Variants in UACA observed in about 807,000 individuals in gnomAD.
The protein encoded by UACA is nuclear membrane binding protein.
A neutral mutation model predicts 160.5 loss-of-function variants in UACA; 112 were observed. The ratio of observed to expected loss-of-function variants is 0.70; its 90% CI spans 0.60 to 0.82. The LOEUF is 0.82. UACA is among the 40% of genes least tolerant of loss of function. The pLI, the probability that UACA is intolerant of heterozygous loss-of-function variation, is 0.00. For missense variants in UACA, 1,574 were observed against 1,614.6 expected (o/e 0.97, Z 0.43); for synonymous variants, 557 against 568.4 (o/e 0.98, Z 0.29).
rs1417345006 is a variant in UACA, at chr15:70,703,165, GT to G, written c.79-3506del. ...CCAAGGCCGGTGCAAATTCAGGGTG[GT>G]TTTTTTGTGGTGGCTGTTGTTGTTG... On this transcript the variant is annotated intron_variant, in intron 1 of 18. Coordinates refer to ENST00000322954, the MANE Select transcript of UACA (RefSeq NM_018003.4). The G allele has an allele frequency of 2.8e-5, 36 of 1,289,010 alleles. 1 individual carries two copies. In the East Asian group the frequency reaches 1.9e-3, roughly 70 times the overall value. The allele number at this position is 1,289,010 out of a possible 1,614,324, so 79.8% of individuals were successfully genotyped here. A position where few individuals can be genotyped will look rare whatever the true frequency, so the allele number is the denominator to read the frequency against.
At chr15:70,688,595 T>G (rs1306953365) in intron 5 of UACA, among the ~76,000 whole-genome samples, 1 of 152,018 alleles carries the variant, frequency 6.6e-6, no homozygotes, top group Non-Finnish European at 1.5e-5. Flanking sequence ...ATCATCAGCT[T>G]TAAGAAAAAG....
At chr15:70,741,892 T>C (rs1238184410) in intron 1 of UACA, among the ~76,000 whole-genome samples, 1 of 152,156 alleles carries the variant, frequency 6.6e-6, no homozygotes, top group East Asian at 1.9e-4. Context: ...AACAAAAACC[T>C]ACCTGATAGC....
At chr15:70,753,390 G>A (rs986710301) in intron 1 of UACA, among the ~76,000 whole-genome samples, 1 of 152,160 alleles carries the variant, frequency 6.6e-6, no homozygotes, top group Non-Finnish European at 1.5e-5. Flanking sequence ...ACACAGATTG[G>A]TTTTGGAATT....
At chr15:70,687,051 C>CT (rs1372031082) in intron 7 of UACA, among the ~76,000 whole-genome samples, 23 of 152,272 alleles carry the variant, frequency 1.5e-4, no homozygotes, top group Non-Finnish European at 2.5e-4. Flanking sequence ...GGAGATGGCA[C>CT]TGTACCCTGG....
intron 3 of UACA, among the ~76,000 whole-genome samples, chr15:70,694,141 T>C (rs1898041211): frequency 6.6e-6 from 1 of 152,066 alleles, no homozygotes; most frequent in Non-Finnish European, 1.5e-5. Context: ...CTGTATTTAA[T>C]AGAAAAACAA....
At chr15:70,741,256 A>G (rs1899526114) in intron 1 of UACA, among the ~76,000 whole-genome samples, 1 of 152,184 alleles carries the variant, frequency 6.6e-6, no homozygotes, top group East Asian at 1.9e-4. Flanking sequence ...TGATTTCTGC[A>G]CTCCCAAGGT....
intron 8 of UACA, 150 bp from the exon 9 acceptor site, chr15:70,682,945 C>G (rs1187187260): frequency 2.2e-5 from 10 of 458,762 alleles, no homozygotes; most frequent in Non-Finnish European, 3.8e-5. Flanking sequence ...ATTTCTAAAA[C>G]GTATGCTTGA....
intron 7 of UACA, among the ~76,000 whole-genome samples, chr15:70,684,996 T>A (rs1353365945): frequency 6.6e-6 from 1 of 152,050 alleles, no homozygotes; most frequent in Non-Finnish European, 1.5e-5. Context: ...AAAACCCAAC[T>A]TTTTCAGTCC....
At position 70,696,488 on chromosome 15, in the gene UACA, A is replaced by G. The variant is rs568670953; in HGVS notation, c.213-1383T>C. ...TACAAATTCGTTTCCAGATATTACA[A>G]GACTCAGTCTTGCGACGCTATTAGT... On this transcript the variant is annotated intron_variant, in intron 2 of 18. Coordinates refer to ENST00000322954, the MANE Select transcript of UACA (RefSeq NM_018003.4). Among the ~76,000 whole-genome samples the G allele has an allele frequency of 2.0e-5, 3 of 152,338 alleles. No individual in the cohort carries two copies. The East Asian group carries it at 5.8e-4, about 29-fold the overall frequency.
intron 1 of UACA, among the ~76,000 whole-genome samples, chr15:70,727,142 T>C (rs1003598961): frequency 6.6e-6 from 1 of 152,224 alleles, no homozygotes; most frequent in African/African-American, 2.4e-5. Context: ...TAATGCTTTT[T>C]AGATTATATA....
Position 70,687,539 on chromosome 15 carries a change from C to G in UACA, c.602+1G>C, listed in dbSNP as rs748062879. On this transcript the variant is annotated splice_donor_variant, in intron 7 of 18. Coordinates refer to ENST00000322954, the MANE Select transcript of UACA (RefSeq NM_018003.4). LOFTEE classifies it high-confidence loss of function. ...TCTGGGAGCCATGATAAAAGAATTACCTGTTTTGTTTGTCTCTGGAATTAA... is the reference window on the plus strand; with the variant it reads ...TCTGGGAGCCATGATAAAAGAATTAGCTGTTTTGTTTGTCTCTGGAATTAA... 17 of 1,613,394 alleles carry G rather than the reference C, an allele frequency of 1.1e-5. No individual in the cohort carries two copies. Among genetic ancestry groups the G allele is most frequent in the Non-Finnish European group, 1.7e-6 (2 of 1,179,588 alleles).
upstream of UACA, among the ~76,000 whole-genome samples, chr15:70,764,974 A>T (rs1480240654): frequency 6.6e-6 from 1 of 152,134 alleles, no homozygotes; most frequent in African/African-American, 2.4e-5. Context: ...ATCACCAATA[A>T]ATTATCAGCC....
chr15:70,670,158 G>C (rs904055796), intron 15 of UACA, among the ~76,000 whole-genome samples: 2 of 152,156 alleles, frequency 1.3e-5, no homozygotes, highest in African/African-American at 4.8e-5. Context: ...CCGGAGCTGG[G>C]TGAGCAGGCT....
At chr15:70,772,193 G>A in the UACA span, among the ~76,000 whole-genome samples, 1 of 152,112 alleles carries the variant, frequency 6.6e-6, no homozygotes, top group Non-Finnish European at 1.5e-5. Context: ...TAAGAATCTA[G>A]GTAGTAAGAT....
chr15:70,676,415 A>G (rs1362100815), intron 13 of UACA, 78 bp downstream of exon 13: 1 of 1,068,756 alleles, frequency 9.4e-7, no homozygotes, highest in Admixed American at 2.3e-5. Flanking sequence ...GAGATTTATA[A>G]TTCAAATTCA....
rs146910380 is a variant in UACA at position 70,664,768 on chromosome 15, T to C, written c.4007A>G (p.Asn1336Ser). 292 of 1,613,648 alleles carry C rather than the reference T, an allele frequency of 1.8e-4. 1 individual carries two copies. The African/African-American group carries it at 3.0e-3, about 17-fold the overall frequency. ...NDVERLKQAL[N>S]GLSQLTYTSG... ...TGTGTAGGTGAGTTGGGAAAGGCCA[T>C]TGAGTGCCTGTTTTAATCTTTCCAC... Residue 1336 changes from asparagine (N) to serine (S), a missense_variant, in exon 17 of 19, where the codon AAT becomes AGT. Asn to Ser is a conservative substitution (Grantham distance 46). Coordinates refer to ENST00000322954, the MANE Select transcript of UACA (RefSeq NM_018003.4).
chr15:70,757,436 A>C (rs749726186), intron 1 of UACA, among the ~76,000 whole-genome samples: 7 of 152,208 alleles, frequency 4.6e-5, no homozygotes, highest in Non-Finnish European at 8.8e-5. Context: ...AGGAGCTGTA[A>C]AGTTATGATA....
intron 1 of UACA, among the ~76,000 whole-genome samples, chr15:70,752,840 T>C (rs1431817078): frequency 6.6e-6 from 1 of 152,140 alleles, no homozygotes; most frequent in African/African-American, 2.4e-5. Flanking sequence ...TGGGTAAGTA[T>C]ACATGCATAC....
chr15:70,766,778 C>T (rs1324156572), upstream of UACA, among the ~76,000 whole-genome samples: 1 of 152,152 alleles, frequency 6.6e-6, no homozygotes, highest in Non-Finnish European at 1.5e-5. Context: ...GTTGAGTATC[C>T]ATTCAATGAA....
Sources: gnomAD v4.1 joint callset for allele counts (sites outside exome capture counted in the v4.1 genomes callset) on GRCh38, gnomAD v4.1.1 for gene constraint, MANE v1.5 for transcripts, NCBI Gene and HGNC (gene_info 2026-07-23, HGNC 2026-07-21) for gene names.